The following DMGDH variants were observed in gnomAD, a reference collection of about 807,000 sequenced individuals.
DMGDH encodes the protein dimethylglycine dehydrogenase, mitochondrial.
A neutral mutation model predicts 95.2 loss-of-function variants in DMGDH; 76 were observed. The ratio of observed to expected loss-of-function variants is 0.80; its 90% CI spans 0.66 to 0.97. The LOEUF is 0.97. Among genes scored for constraint, DMGDH ranks in the 50% least tolerant of loss-of-function variants. The pLI, the probability that DMGDH is intolerant of heterozygous loss-of-function variation, is 0.00. For missense variants in DMGDH, 987 were observed against 1,055.0 expected, an observed-to-expected ratio of 0.94 and a Z score of 0.89; for synonymous variants, 345 against 377.6, an observed-to-expected ratio of 0.91 and a Z score of 1.00.
chr5:79,040,494 A>G (rs1275328835), intron 7 of DMGDH, among the ~76,000 whole-genome samples: 1 of 152,248 alleles, frequency 6.6e-6, no homozygotes, highest in Admixed American at 6.5e-5. Context: ...AAAAGCTAAA[A>G]CTATAAAACT....
intron 14 of DMGDH, among the ~76,000 whole-genome samples, chr5:79,007,163 T>C (rs1368752377): frequency 2.6e-5 from 4 of 152,214 alleles, no homozygotes; most frequent in Non-Finnish European, 5.9e-5. Context: ...TTGATTCATT[T>C]GAATTCATAT....
chr5:79,013,707 G>A (rs2112605713), intron 14 of DMGDH, among the ~76,000 whole-genome samples: 1 of 152,250 alleles, frequency 6.6e-6, no homozygotes, highest in East Asian at 1.9e-4. Context: ...TTCTGGGGAG[G>A]TCTCAGGGAA....
chr5:79,017,860 C>A (rs1363203563), intron 14 of DMGDH, among the ~76,000 whole-genome samples: 2 of 152,108 alleles, frequency 1.3e-5, no homozygotes, highest in East Asian at 3.9e-4. Flanking sequence ...GACAAACTGC[C>A]GGACTTCAAG....
chr5:79,033,668 G>A (rs555073948), intron 7 of DMGDH, among the ~76,000 whole-genome samples: 1 of 152,264 alleles, frequency 6.6e-6, no homozygotes, highest in African/African-American at 2.4e-5. Flanking sequence ...ATTGGGCAGG[G>A]CACACTAACT....
At chr5:79,008,930 C>T (rs1753593706) in intron 14 of DMGDH, among the ~76,000 whole-genome samples, 1 of 151,962 alleles carries the variant, frequency 6.6e-6, no homozygotes, top group Non-Finnish European at 1.5e-5. Flanking sequence ...TATTTTAATC[C>T]CCAGTTTATG....
chr5:79,045,118 C>G (rs1295666172), intron 5 of DMGDH, among the ~76,000 whole-genome samples: 1 of 152,142 alleles, frequency 6.6e-6, no homozygotes, highest in Non-Finnish European at 1.5e-5. Context: ...GAAAATGGTG[C>G]ATACTTCGGG....
At chr5:79,045,057 G>T (rs1437226659) in intron 5 of DMGDH, among the ~76,000 whole-genome samples, 1 of 152,140 alleles carries the variant, frequency 6.6e-6, no homozygotes, top group Non-Finnish European at 1.5e-5. Context: ...TCCCCAAATT[G>T]TTGATGCCTA....
Position 78,998,219 on chromosome 5 carries a change from G to A in DMGDH, c.2464C>T (p.Leu822=), listed in dbSNP as rs201147856. Residue 822 remains leucine, a synonymous_variant, in exon 16 of 16, where the codon CTA becomes TTA. Coordinates refer to ENST00000255189, the MANE Select transcript of DMGDH (RefSeq NM_013391.3). ...TCCACTTGCTGTCCCACTTCACTTAGTTGTACAGGGACATATGCGAAAGCC... is the reference window on the plus strand; with the variant it reads ...TCCACTTGCTGTCCCACTTCACTTAATTGTACAGGGACATATGCGAAAGCC... ...SLAFAYVPVQ[L]SEVGQQVEVE... is the part of the protein sequence containing the mutation. 255 of 1,614,150 alleles carry A rather than the reference G, an allele frequency of 1.6e-4. 1 individual carries two copies. The Middle Eastern group carries it at 4.3e-3, about 27-fold the overall frequency.
chr5:79,035,300 A>G (rs956818877), intron 7 of DMGDH, among the ~76,000 whole-genome samples: 15 of 152,168 alleles, frequency 9.9e-5, no homozygotes, highest in Non-Finnish European at 1.9e-4. Flanking sequence ...TATATTGTTG[A>G]TAAGACTTGA....
At chr5:79,030,420 G>A (rs1754128247) in intron 10 of DMGDH, 1 of 250,292 alleles carries the variant, frequency 4.0e-6, no homozygotes, top group East Asian at 1.0e-4. Context: ...GGGAGGCTGA[G>A]GCGGGTGGAT....
At chr5:79,049,463 G>A (rs773264263) in intron 5 of DMGDH, among the ~76,000 whole-genome samples, 1 of 152,214 alleles carries the variant, frequency 6.6e-6, no homozygotes, top group African/African-American at 2.4e-5. Flanking sequence ...TCTGAAATGA[G>A]TGCAGCGATT....
chr5:79,050,273 A>AAATAT lies in DMGDH; in HGVS notation c.745+1013_745+1014insATATT, dbSNP rs1554037270. ...CAAAAAAAAAAAAAAAAAAAAAAAA[A>AAATAT]ATATATATATATATATATATATATA... On this transcript the variant is annotated intron_variant, in intron 5 of 15. Transcript: ENST00000255189. 8.2e-3 allele frequency among the ~76,000 whole-genome samples: 171 copies of AAATAT among 20,960 alleles called. 4 individuals are homozygous for AAATAT. Among genetic ancestry groups the AAATAT allele is most frequent in the Non-Finnish European group, 0.013 (138 of 10,714 alleles). The allele number at this position is 20,960 out of a possible 152,430, so 13.8% of individuals were successfully genotyped here.
At chr5:79,056,294 T>C (rs760626155) in intron 2 of DMGDH, among the ~76,000 whole-genome samples, 28 of 152,138 alleles carry the variant, frequency 1.8e-4, no homozygotes, top group Non-Finnish European at 3.2e-4. Flanking sequence ...GGGCAGATCA[T>C]GAGGTCAAGA....
intron 1 of DMGDH, among the ~76,000 whole-genome samples, chr5:79,064,105 C>A (rs1755296845): frequency 6.6e-6 from 1 of 152,068 alleles, no homozygotes; most frequent in African/African-American, 2.4e-5. Flanking sequence ...GTAATCCCAG[C>A]ACTTTGGAAG....
intron 3 of DMGDH, 56 bp from the exon 4 acceptor site, chr5:79,054,404 C>T: frequency 6.5e-7 from 1 of 1,540,602 alleles, no homozygotes; most frequent in Non-Finnish European, 9.0e-7. Context: ...GGTACTCAAA[C>T]ATGGTTCTGC....
intron 13 of DMGDH, among the ~76,000 whole-genome samples, 179 bp from the exon 14 acceptor site, chr5:79,024,509 T>C (rs188119954): frequency 2.0e-4 from 30 of 152,346 alleles, no homozygotes; most frequent in African/African-American, 7.0e-4. Flanking sequence ...CGATGTAGCC[T>C]TTCAGCAAAA....
chr5:78,999,491 C>T lies in DMGDH; in HGVS notation c.2386-1194G>A, dbSNP rs184022789. The stretch of plus-strand genomic sequence containing the variant: ...GACTACAGGCACCCACCACCACGCC[C>T]GGCTAATTTTTTTGTATTTTTTTAG... On this transcript the variant is annotated intron_variant, in intron 15 of 15. Coordinates refer to ENST00000255189, the MANE Select transcript of DMGDH (RefSeq NM_013391.3). Among the ~76,000 whole-genome samples the T allele has an allele frequency of 5.6e-3, 852 of 152,156 alleles. 10 individuals carry two copies. The highest frequency in any genetic ancestry group is 6.3e-3 in the Non-Finnish European group (425 of 67,998).
intron 4 of DMGDH, among the ~76,000 whole-genome samples, chr5:79,053,411 C>T (rs1754923462): frequency 6.6e-6 from 1 of 152,162 alleles, no homozygotes; most frequent in Admixed American, 6.5e-5. Context: ...AGCAATCCCC[C>T]CACCTTGGCC....
intron 14 of DMGDH, among the ~76,000 whole-genome samples, chr5:79,019,443 T>G (rs576824405): frequency 2.7e-5 from 4 of 148,438 alleles, no homozygotes; most frequent in African/African-American, 7.6e-5. Flanking sequence ...ACAGTGGTTC[T>G]CAATATTCAC....
Sources: gnomAD v4.1 joint callset for allele counts (sites outside exome capture counted in the v4.1 genomes callset) on GRCh38, gnomAD v4.1.1 for gene constraint, MANE v1.5 for transcripts, NCBI Gene and HGNC (gene_info 2026-07-23, HGNC 2026-07-21) for gene names.